The following FAM222B variants were observed in gnomAD, a reference collection of about 807,000 sequenced individuals.
The protein encoded by FAM222B is family with sequence similarity 222 member B, also known as protein FAM222B.
In FAM222B, 12 loss-of-function variants were observed where a neutral mutation model predicts 38.0. That is an observed-to-expected ratio of 0.32 (90% CI 0.20 to 0.51). The LOEUF (loss-of-function observed/expected upper bound fraction) is 0.51, where lower values mean the gene tolerates loss of function less well. Among genes scored for constraint, FAM222B ranks in the 20% least tolerant of loss-of-function variants. FAM222B has a pLI of 0.97. For synonymous variants in FAM222B, 329 were observed against 317.2 expected (o/e 1.04, Z -0.40); for missense variants, 716 against 754.2 (o/e 0.95, Z 0.59).
intron 1 of FAM222B, among the ~76,000 whole-genome samples, chr17:28,828,244 A>G (rs1003832906): frequency 6.6e-6 from 1 of 150,752 alleles, no homozygotes; most frequent in Non-Finnish European, 1.5e-5. Context: ...CTGAGTAGCT[A>G]GGTAAGAGGG....
chr17:28,772,044 G>C (rs574191611), intron 1 of FAM222B, among the ~76,000 whole-genome samples: 1 of 152,184 alleles, frequency 6.6e-6, no homozygotes, highest in South Asian at 2.1e-4. Flanking sequence ...GCAACAGAGC[G>C]AGACTATGTC....
chr17:28,780,301 G>C (rs2036110691), intron 1 of FAM222B, among the ~76,000 whole-genome samples: 1 of 152,106 alleles, frequency 6.6e-6, no homozygotes, highest in Middle Eastern at 3.4e-3. Context: ...TAAATAAAAA[G>C]ACATCTAAAT....
intron 1 of FAM222B, among the ~76,000 whole-genome samples, chr17:28,828,782 G>A (rs1056788398): frequency 6.6e-6 from 1 of 151,956 alleles, no homozygotes; most frequent in African/African-American, 2.4e-5. Context: ...TTCTTTTATT[G>A]TTCAGTTCTA....
Position 28,759,603 on chromosome 17 carries a change from G to A in FAM222B, c.356C>T (p.Thr119Ile), listed in dbSNP as rs753858204. 1.9e-6 allele frequency: 3 copies of A among 1,612,714 alleles called. No individual in the cohort carries two copies. The highest frequency in any genetic ancestry group is 2.2e-5 in the South Asian group (2 of 90,764). ...GGCCTCAGGGAGCAACCGGGCTCGG[G>A]TGCCGTCAAAGTCCTTGAGTATGCT... ...AKSILKDFDG[T>I]RARLLPEAIM... Residue 119 changes from threonine (T) to isoleucine (I), a missense_variant, in exon 3 of 3, where the codon ACC becomes ATC. By Grantham distance (89) the Thr-to-Ile change is moderately conservative (BLOSUM62 -1). Coordinates refer to ENST00000581407, the MANE Select transcript of FAM222B (RefSeq NM_001077498.3). The surrounding 1 kb of genome is among the most constrained non-coding windows in gnomAD (Gnocchi z 4.8).
rs368944553 is a variant in FAM222B at position 28,759,794 on chromosome 17, G to A, written c.165C>T (p.Asn55=). The change falls in exon 3 of 3, where the codon AAC becomes AAT. Residue 55 remains asparagine (N), a synonymous_variant. Transcript: ENST00000581407. This position sits in a 1 kb window ranked among gnomAD's most constrained non-coding sequence, Gnocchi z 4.8. ...TGGGGAAGATTTTTATAGTCAGTGGGTTGTTTGCGACCTTCTTAGCATACG... is the reference window on the plus strand; with the variant it reads ...TGGGGAAGATTTTTATAGTCAGTGGATTGTTTGCGACCTTCTTAGCATACG... The part of the protein sequence containing the change: ...LDAYAKKVAN[N]PLTIKIFPNS... The A allele has an allele frequency of 5.0e-6, 8 of 1,610,334 alleles. No homozygotes were observed. The African/African-American group carries it at 6.7e-5, about 13-fold the overall frequency.
chr17:28,775,285 A>G (rs1272878481), intron 1 of FAM222B, among the ~76,000 whole-genome samples: 3 of 152,106 alleles, frequency 2.0e-5, no homozygotes, highest in South Asian at 2.1e-4. Flanking sequence ...GCCCAGCCTC[A>G]TGTTTTTTGA....
At chr17:28,764,238 C>A (rs1308485500) in intron 2 of FAM222B, among the ~76,000 whole-genome samples, 1 of 144,400 alleles carries the variant, frequency 6.9e-6, no homozygotes, top group Non-Finnish European at 1.5e-5. Context: ...CGCCACTGCA[C>A]TCCAGTCTGG....
chr17:28,813,488 G>C (rs1305346589), intron 1 of FAM222B, among the ~76,000 whole-genome samples: 2 of 151,982 alleles, frequency 1.3e-5, no homozygotes, highest in African/African-American at 4.8e-5. Context: ...TGGAAGTAAT[G>C]TGTCAATGTT....
At chr17:28,844,406 T>C (rs2039125815), upstream of FAM222B, among the ~76,000 whole-genome samples, 1 of 152,184 alleles carries the variant, frequency 6.6e-6, no homozygotes, top group Non-Finnish European at 1.5e-5. Context: ...ACGCCTGTAA[T>C]CCCAGCACTT....
intron 1 of FAM222B, among the ~76,000 whole-genome samples, chr17:28,782,681 C>T (rs1234457806): frequency 6.6e-6 from 1 of 152,156 alleles, no homozygotes; most frequent in Non-Finnish European, 1.5e-5. Flanking sequence ...ATTTGATCAT[C>T]AAATGCATTA....
chr17:28,822,678 G>A (rs1374772876), intron 1 of FAM222B, among the ~76,000 whole-genome samples: 1 of 148,656 alleles, frequency 6.7e-6, no homozygotes, highest in East Asian at 2.0e-4. Flanking sequence ...GCAGGCGCCT[G>A]TAATCCCAGC....
intron 1 of FAM222B, among the ~76,000 whole-genome samples, chr17:28,814,791 G>A (rs1241479727): frequency 1.9e-5 from 1 of 51,776 alleles, no homozygotes; most frequent in Non-Finnish European, 3.8e-5. Context: ...TTTTTTTTTT[G>A]AGATAAGAGT....
At chr17:28,789,592 T>C (rs921897419) in intron 1 of FAM222B, among the ~76,000 whole-genome samples, 1 of 152,108 alleles carries the variant, frequency 6.6e-6, no homozygotes, top group African/African-American at 2.4e-5. Context: ...TCAATTGAAT[T>C]AGAAATGGAA....
chr17:28,816,880 A>T (rs980098473), intron 1 of FAM222B, among the ~76,000 whole-genome samples: 2 of 152,174 alleles, frequency 1.3e-5, no homozygotes, highest in African/African-American at 4.8e-5. Flanking sequence ...AGCAAGGTGT[A>T]ACAGTAATTA....
At chr17:28,854,164 C>G (rs892452845) in intron 1 of FAM222B, among the ~76,000 whole-genome samples, 1 of 152,040 alleles carries the variant, frequency 6.6e-6, no homozygotes, top group Non-Finnish European at 1.5e-5. Flanking sequence ...AGGATGGTCT[C>G]GATCTCCTGA....
Position 28,766,560 on chromosome 17 carries a change from T to C in FAM222B, c.82+26A>G, listed in dbSNP as rs764879442. The C allele has an allele frequency of 1.4e-5, 22 of 1,563,750 alleles. No individual in the cohort carries two copies. In the East Asian group the frequency reaches 2.3e-4, roughly 17 times the overall value. Reference sequence around the variant, plus strand: ...AGAGACAAAAACAAAGAATCACACATGCTCCATAGGATCCAGATTACTTAC... The same window carrying C: ...AGAGACAAAAACAAAGAATCACACACGCTCCATAGGATCCAGATTACTTAC... On this transcript the variant is annotated intron_variant, in intron 2 of 2. Transcript: ENST00000581407.
chr17:28,837,416 G>A (rs948956226), intron 1 of FAM222B, among the ~76,000 whole-genome samples: 3 of 150,086 alleles, frequency 2.0e-5, no homozygotes, highest in Non-Finnish European at 3.0e-5. Flanking sequence ...GGCGACCGAG[G>A]GAGACTCCGT....
intron 1 of FAM222B, among the ~76,000 whole-genome samples, chr17:28,822,255 C>CAG: frequency 6.6e-6 from 1 of 150,494 alleles, no homozygotes; most frequent in African/African-American, 2.4e-5. Context: ...CTCTTGACCT[C>CAG]GTGATCCACC....
At chr17:28,817,500 T>G (rs919657098) in intron 1 of FAM222B, among the ~76,000 whole-genome samples, 1 of 148,890 alleles carries the variant, frequency 6.7e-6, no homozygotes, top group Non-Finnish European at 1.5e-5. Flanking sequence ...GAGGCTGGAC[T>G]ACCTGAGGTC....
Sources: gnomAD v4.1 joint callset for allele counts (sites outside exome capture counted in the v4.1 genomes callset) on GRCh38, gnomAD v4.1.1 for gene constraint, Gnocchi (gnomAD v3.1) non-coding constraint, MANE v1.5 for transcripts, NCBI Gene and HGNC (gene_info 2026-07-23, HGNC 2026-07-21) for gene names.